The following THSD7B variants were observed in gnomAD, a reference collection of about 807,000 sequenced individuals.
THSD7B encodes the protein thrombospondin type 1 domain containing 7B, also known as thrombospondin type-1 domain-containing protein 7B.
In THSD7B, 138 loss-of-function variants were observed where a neutral mutation model predicts 213.6. The ratio of observed to expected loss-of-function variants is 0.65; its 90% confidence interval spans 0.56 to 0.74. THSD7B has a LOEUF of 0.74. Ranked by LOEUF, THSD7B falls within the 30% of genes least tolerant of loss-of-function variation. THSD7B has a pLI of 0.00. For missense variants in THSD7B, 1,931 were observed against 1,991.5 expected (o/e 0.97, Z 0.58); for synonymous variants, 742 against 687.0 (o/e 1.08, Z -1.25).
At chr2:137,535,971 AT>A (rs1314999835) in intron 15 of THSD7B, among the ~76,000 whole-genome samples, 1 of 151,118 alleles carries the variant, frequency 6.6e-6, no homozygotes, top group Non-Finnish European at 1.5e-5. Flanking sequence ...AGTGTTGAAG[AT>A]AATTTCAGAT....
At chr2:137,003,217 T>A (rs1174453971) in intron 2 of THSD7B, among the ~76,000 whole-genome samples, 1 of 152,176 alleles carries the variant, frequency 6.6e-6, no homozygotes, top group Non-Finnish European at 1.5e-5. Context: ...ATGTATGACA[T>A]ATAAAACTCA....
At chr2:137,550,853 T>C (rs76426946) in intron 15 of THSD7B, among the ~76,000 whole-genome samples, 3,536 of 152,142 alleles carry the variant, frequency 0.023, 157 homozygotes, top group African/African-American at 0.082. Context: ...CTTTAGATCA[T>C]TAGAAAATGA....
At chr2:137,387,259 A>G (rs1439026217) in intron 12 of THSD7B, among the ~76,000 whole-genome samples, 1 of 152,164 alleles carries the variant, frequency 6.6e-6, no homozygotes, top group Non-Finnish European at 1.5e-5. Context: ...GACTGCTCTT[A>G]TTTGAGTGCT....
At chr2:137,302,198 C>G (rs552928494) in intron 12 of THSD7B, among the ~76,000 whole-genome samples, 8 of 152,078 alleles carry the variant, frequency 5.3e-5, no homozygotes, top group Non-Finnish European at 8.8e-5. Flanking sequence ...AACAATGGGA[C>G]TGAATGAGAT....
At chr2:137,448,538 A>C (rs6754470) in intron 14 of THSD7B, among the ~76,000 whole-genome samples, 27,376 of 151,830 alleles carry the variant, frequency 0.18, 3,970 homozygotes, top group African/African-American at 0.4. Context: ...GGCTGGCCGC[A>C]GTGGCTCACG....
chr2:137,309,587 T>C (rs1683841448), intron 12 of THSD7B, among the ~76,000 whole-genome samples: 2 of 152,112 alleles, frequency 1.3e-5, no homozygotes, highest in Admixed American at 1.3e-4. Context: ...ACATGTGTCA[T>C]GCTGGTGCGC....
intron 2 of THSD7B, among the ~76,000 whole-genome samples, chr2:136,936,616 G>A (rs999386865): frequency 6.6e-6 from 1 of 152,170 alleles, no homozygotes; most frequent in Non-Finnish European, 1.5e-5. Flanking sequence ...TGGGAACTAA[G>A]CTATGAGGAT....
intron 2 of THSD7B, among the ~76,000 whole-genome samples, chr2:136,990,700 A>G (rs1382692682): frequency 6.6e-6 from 1 of 152,194 alleles, no homozygotes; most frequent in Admixed American, 6.5e-5. Flanking sequence ...AGCTTTCTAC[A>G]TTAAATACAC....
chr2:136,776,676 A>C (rs1322472566), intron 1 of THSD7B, among the ~76,000 whole-genome samples: 1 of 152,190 alleles, frequency 6.6e-6, no homozygotes, highest in East Asian at 1.9e-4. Context: ...TACAAGATAA[A>C]AGCACCTGAA....
intron 1 of THSD7B, among the ~76,000 whole-genome samples, chr2:136,766,853 T>C (rs565816227): frequency 3.9e-5 from 6 of 152,152 alleles, no homozygotes; most frequent in Admixed American, 6.5e-5. Flanking sequence ...TCAGACTCCT[T>C]GGAGCTCTTT....
intron 12 of THSD7B, among the ~76,000 whole-genome samples, chr2:137,292,552 A>C (rs902354618): frequency 6.6e-6 from 1 of 152,154 alleles, no homozygotes; most frequent in Non-Finnish European, 1.5e-5. Context: ...AGAACCTGTT[A>C]AGTGTAGTTT....
intron 12 of THSD7B, among the ~76,000 whole-genome samples, chr2:137,299,669 T>C (rs905115265): frequency 6.6e-6 from 1 of 151,616 alleles, no homozygotes; most frequent in African/African-American, 2.4e-5. Flanking sequence ...TTGTATTTTA[T>C]TGAAAAACAA....
At chr2:137,180,029 T>C (rs1680425233) in intron 7 of THSD7B, among the ~76,000 whole-genome samples, 1 of 152,272 alleles carries the variant, frequency 6.6e-6, no homozygotes, top group Non-Finnish European at 1.5e-5. Flanking sequence ...ATTTCCTTTA[T>C]AGGTTATTGG....
intron 1 of THSD7B, among the ~76,000 whole-genome samples, chr2:136,880,966 A>G (rs1470003990): frequency 2.0e-5 from 3 of 152,124 alleles, no homozygotes; most frequent in Admixed American, 6.6e-5. Flanking sequence ...CTCCCAACCT[A>G]TGTTTTAAAT....
At chr2:137,344,630 C>T (rs1426482006) in intron 12 of THSD7B, among the ~76,000 whole-genome samples, 3 of 151,598 alleles carry the variant, frequency 2.0e-5, no homozygotes, top group South Asian at 2.1e-4. Flanking sequence ...AGTGCAGCTT[C>T]CTTCATTTGG....
intron 1 of THSD7B, among the ~76,000 whole-genome samples, chr2:136,848,043 G>T (rs1164638763): frequency 1.3e-5 from 2 of 152,146 alleles, no homozygotes; most frequent in African/African-American, 4.8e-5. Context: ...TCTGCTATCT[G>T]TTTTGAAGCA....
chr2:137,658,169 C>A (rs1225438591), intron 24 of THSD7B, among the ~76,000 whole-genome samples: 1 of 152,180 alleles, frequency 6.6e-6, no homozygotes, highest in East Asian at 1.9e-4. Context: ...TGCTCTTGCA[C>A]TATTGGTATT....
rs547996308 is a variant in THSD7B, at chr2:137,103,281, C to T, written c.1199+8160C>T. On this transcript the variant is annotated intron_variant, in intron 4 of 27. Coordinates refer to ENST00000409968, the MANE Select transcript of THSD7B (RefSeq NM_001316349.2). ...AGCCAGAATTTCATATCCAGCTAAA[C>T]TAAGCTTCATAAGTGAGGGAGAAAT... 1.1e-3 allele frequency among the ~76,000 whole-genome samples: 161 copies of T among 152,266 alleles called. 1 individual carries two copies. The highest frequency in any genetic ancestry group is 3.8e-3 in the African/African-American group (159 of 41,530).
chr2:136,836,479 T>C (rs1039742433), intron 1 of THSD7B, among the ~76,000 whole-genome samples: 10 of 152,182 alleles, frequency 6.6e-5, no homozygotes, highest in Non-Finnish European at 1.5e-4. Flanking sequence ...TCACTTTTTG[T>C]ATATATTGTA....
Sources: gnomAD v4.1 joint callset for allele counts (sites outside exome capture counted in the v4.1 genomes callset) on GRCh38, gnomAD v4.1.1 for gene constraint, MANE v1.5 for transcripts, NCBI Gene and HGNC (gene_info 2026-07-23, HGNC 2026-07-21) for gene names.